PKHD1: variants seen among roughly 807,000 people sequenced by gnomAD.
PKHD1 encodes the protein PKHD1 ciliary IPT domain containing fibrocystin/polyductin.
In PKHD1, 291 loss-of-function variants were observed where a neutral mutation model predicts 412.0. The ratio of observed to expected loss-of-function variants is 0.71; its 90% CI spans 0.64 to 0.78. The LOEUF is 0.78. Ranked by LOEUF, PKHD1 falls within the 30% of genes least tolerant of loss-of-function variation. The pLI, the probability that PKHD1 is intolerant of heterozygous loss-of-function variation, is 0.00. For missense variants in PKHD1, 4,825 were observed against 4,950.7 expected, an observed-to-expected ratio of 0.97 and a Z score of 0.76; for synonymous variants, 1,777 against 1,821.5, an observed-to-expected ratio of 0.98 and a Z score of 0.62.
At chr6:51,993,420 A>AT (rs1292819123) in intron 35 of PKHD1, among the ~76,000 whole-genome samples, 2 of 152,194 alleles carry the variant, frequency 1.3e-5, no homozygotes, top group East Asian at 3.9e-4. Context: ...TTTTCTTATT[A>AT]TTTCCATGGA....
intron 66 of PKHD1, among the ~76,000 whole-genome samples, chr6:51,622,124 C>T (rs192359001): frequency 6.6e-6 from 1 of 152,282 alleles, no homozygotes; most frequent in East Asian, 1.9e-4. Context: ...GAAAGGAGGA[C>T]TCACTGGTTC....
In PKHD1 at chr6:52,045,937, A is replaced by ATT. The variant is rs58370838; in HGVS notation, c.2592+65_2592+66dup. ...GACAGTTTCCATTTGTATAATTCTG[A>ATT]TTTTTTTTTTTGCAGAATTTCTCCA... On this transcript the variant is annotated intron_variant, in intron 24 of 66. Coordinates refer to ENST00000371117, the MANE Select transcript of PKHD1 (RefSeq NM_138694.4). The ATT allele has an allele frequency of 2.6e-3, 2,283 of 878,380 alleles. 2 individuals carry two copies. The highest frequency in any genetic ancestry group is 7.6e-3 in the South Asian group (480 of 63,070). 54.4% of individuals were successfully genotyped at this position (878,380 alleles called of 1,614,324 possible).
intron 35 of PKHD1, among the ~76,000 whole-genome samples, chr6:51,982,282 C>A (rs1201320532): frequency 1.7e-5 from 1 of 60,382 alleles, no homozygotes. Flanking sequence ...AGCCCCTCTG[C>A]CCGGCCACGA....
chr6:51,688,082 C>T (rs1300914323), intron 60 of PKHD1, among the ~76,000 whole-genome samples: 1 of 152,186 alleles, frequency 6.6e-6, no homozygotes, highest in Non-Finnish European at 1.5e-5. Flanking sequence ...ATGTCATTGA[C>T]AGCAGTAGGC....
At chr6:51,931,351 G>A (rs968244132) in intron 37 of PKHD1, among the ~76,000 whole-genome samples, 1 of 152,134 alleles carries the variant, frequency 6.6e-6, no homozygotes, top group Non-Finnish European at 1.5e-5. Flanking sequence ...GAATCAAGTT[G>A]CTCACTATTT....
Position 51,874,982 on chromosome 6 carries a change from G to C in PKHD1, c.7351-4343C>G, listed in dbSNP as rs1415000866. Among the ~76,000 whole-genome samples, 21 of 68,354 alleles carry C rather than the reference G, an allele frequency of 3.1e-4. 2 individuals are homozygous for C. Among genetic ancestry groups the C allele is most frequent in the Non-Finnish European group, 4.9e-4 (19 of 38,756 alleles). 44.8% of individuals were successfully genotyped at this position (68,354 alleles called of 152,430 possible). A position where few individuals can be genotyped will look rare whatever the true frequency, so the allele number is the denominator to read the frequency against. Reference sequence around the variant, plus strand: ...CAAGGGGTCAGGGAGTTCCCTTTCCGAGTCAAAGAAAGGGGTGACGGACGC... The same window carrying C: ...CAAGGGGTCAGGGAGTTCCCTTTCCCAGTCAAAGAAAGGGGTGACGGACGC... On this transcript the variant is annotated intron_variant, in intron 46 of 66. Coordinates refer to ENST00000371117, the MANE Select transcript of PKHD1 (RefSeq NM_138694.4).
chr6:51,997,331 G>A (rs1046481415), intron 35 of PKHD1, among the ~76,000 whole-genome samples: 5 of 152,290 alleles, frequency 3.3e-5, no homozygotes, highest in African/African-American at 9.6e-5. Context: ...TTCCTGTGCT[G>A]TGAGCCAGTA....
chr6:52,040,053 C>A (rs1804596897), intron 27 of PKHD1, among the ~76,000 whole-genome samples: 1 of 152,084 alleles, frequency 6.6e-6, no homozygotes, highest in African/African-American at 2.4e-5. Flanking sequence ...CTAAAATAGG[C>A]AAATTCACTT....
chr6:51,638,413 C>A (rs1409566841), intron 64 of PKHD1, among the ~76,000 whole-genome samples: 1 of 151,824 alleles, frequency 6.6e-6, no homozygotes, highest in East Asian at 1.9e-4. Context: ...ATTTACATAC[C>A]CCTTATTCTG....
chr6:51,783,830 A>T (rs1160620), intron 53 of PKHD1, among the ~76,000 whole-genome samples: 89,163 of 152,050 alleles, frequency 0.59, 26,905 homozygotes, highest in East Asian at 0.83. Context: ...TCAACTTTTT[A>T]AATTTGTTTT....
chr6:51,773,312 TTA>T (rs1442584671), intron 54 of PKHD1, among the ~76,000 whole-genome samples: 1 of 151,974 alleles, frequency 6.6e-6, no homozygotes, highest in African/African-American at 2.4e-5. Flanking sequence ...AAAATGCAGT[TTA>T]TTTCAGACTA....
chr6:51,622,287 T>A (rs1329674034), intron 66 of PKHD1: 2 of 152,296 alleles, frequency 1.3e-5, no homozygotes, highest in Admixed American at 1.3e-4. Flanking sequence ...TCTTTTGCAA[T>A]AAGAATATTA....
chr6:52,048,441 T>C (rs368614354), intron 23 of PKHD1, 51 bp downstream of exon 23: 13 of 1,575,018 alleles, frequency 8.3e-6, no homozygotes, highest in Non-Finnish European at 1.0e-5. Flanking sequence ...CTTGGGAATG[T>C]GAGTGAGAAT....
intron 33 of PKHD1, among the ~76,000 whole-genome samples, chr6:52,017,846 G>C (rs533037461): frequency 6.6e-6 from 1 of 152,236 alleles, no homozygotes; most frequent in South Asian, 2.1e-4. Flanking sequence ...AAAAACTCAA[G>C]TGAATTTCCC....
At chr6:51,723,258 G>A (rs1435982496) in intron 60 of PKHD1, among the ~76,000 whole-genome samples, 1 of 152,176 alleles carries the variant, frequency 6.6e-6, no homozygotes, top group African/African-American at 2.4e-5. Context: ...GAAACAGCTA[G>A]GAAAGACTGT....
intron 52 of PKHD1, among the ~76,000 whole-genome samples, chr6:51,828,713 T>C (rs938229608): frequency 6.6e-6 from 1 of 151,834 alleles, no homozygotes; most frequent in Admixed American, 6.6e-5. Context: ...AGGCTAGGAA[T>C]GAAAGAAACA....
intron 52 of PKHD1, among the ~76,000 whole-genome samples, chr6:51,827,654 C>T (rs1284512209): frequency 1.3e-5 from 2 of 152,100 alleles, no homozygotes. Context: ...CACTATGATT[C>T]TAAACACATT....
chr6:51,893,641 C>T (rs1779437135), intron 43 of PKHD1, among the ~76,000 whole-genome samples: 1 of 152,166 alleles, frequency 6.6e-6, no homozygotes, highest in Non-Finnish European at 1.5e-5. Flanking sequence ...GTGTGGAAAT[C>T]AATTATTTGC....
intron 52 of PKHD1, among the ~76,000 whole-genome samples, chr6:51,811,124 T>G (rs1764619649): frequency 6.6e-6 from 1 of 152,178 alleles, no homozygotes; most frequent in African/African-American, 2.4e-5. Flanking sequence ...AGGAAGATTT[T>G]TATTTTTCTC....
Sources: allele counts gnomAD v4.1 joint callset (sites outside exome capture counted in the v4.1 genomes callset), GRCh38; gene constraint gnomAD v4.1.1; transcripts MANE v1.5; gene names NCBI Gene and HGNC (gene_info 2026-07-23, HGNC 2026-07-21).